INPP5F: variants seen among roughly 807,000 people sequenced by gnomAD.
INPP5F encodes the protein inositol polyphosphate-5-phosphatase F.
Under a neutral mutation model 137.2 loss-of-function variants are expected in INPP5F, and 97 were observed. The ratio of observed to expected loss-of-function variants is 0.71; its 90% CI spans 0.60 to 0.84. The LOEUF (loss-of-function observed/expected upper bound fraction) is 0.84. Among genes scored for constraint, INPP5F ranks in the 40% least tolerant of loss-of-function variants. The pLI, the probability that INPP5F is intolerant of heterozygous loss-of-function variation, is 0.00. For missense variants in INPP5F, 1,271 were observed against 1,371.9 expected (o/e 0.93, Z 1.16); for synonymous variants, 504 against 476.9 (o/e 1.06, Z -0.74).
Position 119,792,320 on chromosome 10 carries a change from T to G in INPP5F, c.669+107T>G. 7 of 789,504 alleles carry G rather than the reference T, an allele frequency of 8.9e-6. No individual in the cohort carries two copies. The South Asian group carries it at 1.3e-4, about 14-fold the overall frequency. The allele number at this position is 789,504 out of a possible 1,614,324, so 48.9% of individuals were successfully genotyped here. A position where few individuals can be genotyped will look rare whatever the true frequency, so the allele number is the denominator to read the frequency against. ...CAAATGTTTTTTAATTATATTAAGATACATTTTTAAAGATCACTACGTTTT... is the reference window on the plus strand; with the variant it reads ...CAAATGTTTTTTAATTATATTAAGAGACATTTTTAAAGATCACTACGTTTT... On this transcript the variant is annotated intron_variant, in intron 6 of 19. Transcript: ENST00000650623.
chr10:119,823,192 T>C lies in INPP5F; in HGVS notation c.2154T>C (p.Asp718=). Residue 718 remains aspartate, a synonymous_variant, in exon 18 of 20, where the codon GAT becomes GAC. Coordinates refer to ENST00000650623, the MANE Select transcript of INPP5F (RefSeq NM_014937.4). ...CTGTAATGCGTAATCCTGAAGAGGA[T>C]GGAAAAGGTAAAAAGAGGAAGAGAT... ...LRAVMRNPEE[D]GKDTLQCIAE... The C allele has an allele frequency of 3.7e-6, 6 of 1,612,086 alleles. No individual in the cohort carries two copies. The highest frequency in any genetic ancestry group is 5.1e-6 in the Non-Finnish European group (6 of 1,179,480).
chr10:119,739,319 A>G (rs1047697463), intron 1 of INPP5F, among the ~76,000 whole-genome samples: 3 of 152,226 alleles, frequency 2.0e-5, no homozygotes, highest in African/African-American at 7.2e-5. Context: ...ATCCAAGCTC[A>G]TTCCTGGTTT....
intron 3 of INPP5F, among the ~76,000 whole-genome samples, chr10:119,783,838 AG>A (rs1422165065): frequency 9.2e-5 from 14 of 152,336 alleles, no homozygotes; most frequent in Admixed American, 3.9e-4. Flanking sequence ...CGTACTTCTC[AG>A]GGCCAGCGAG....
At chr10:119,727,557 C>T (rs1847928980) in intron 1 of INPP5F, among the ~76,000 whole-genome samples, 2 of 152,234 alleles carry the variant, frequency 1.3e-5, no homozygotes, top group Non-Finnish European at 2.9e-5. Context: ...GTTCTGTGAC[C>T]TCCAGAACAC....
intron 14 of INPP5F, among the ~76,000 whole-genome samples, chr10:119,811,313 T>C (rs1685645341): frequency 6.6e-6 from 1 of 152,232 alleles, no homozygotes; most frequent in Non-Finnish European, 1.5e-5. Flanking sequence ...GACAATGAGA[T>C]AGGGAGGAAT....
chr10:119,734,127 A>G (rs182966960), intron 1 of INPP5F, among the ~76,000 whole-genome samples: 1 of 152,344 alleles, frequency 6.6e-6, no homozygotes, highest in African/African-American at 2.4e-5. Flanking sequence ...TGTGGAATTC[A>G]TTAAATTTGT....
At chr10:119,819,429 G>A (rs1457714680) in intron 15 of INPP5F, 15 of 1,497,162 alleles carry the variant, frequency 1.0e-5, no homozygotes, top group Non-Finnish European at 1.2e-5. Flanking sequence ...TGCCAAAATA[G>A]GAGCTAGGAT....
rs1267093685 is a variant in INPP5F, at chr10:119,823,138, A to G, written c.2100A>G (p.Glu700=). 3 of 1,614,090 alleles carry G rather than the reference A, an allele frequency of 1.9e-6. No homozygotes were observed. The highest frequency in any genetic ancestry group is 3.3e-4 in the Middle Eastern group (2 of 6,084). The change falls in exon 18 of 20, where the codon GAA becomes GAG. Residue 700 remains glutamate, a synonymous_variant. Transcript: ENST00000650623. The stretch of plus-strand genomic sequence containing the variant: ...TGCGACTGCACTACAGATACAAAGA[A>G]GCGAGTGGCTATTTCCACACATTGC... ...SCMRLHYRYK[E]ASGYFHTLRA...
intron 2 of INPP5F, among the ~76,000 whole-genome samples, chr10:119,779,019 CT>C (rs780650115): frequency 6.6e-6 from 1 of 152,118 alleles, no homozygotes; most frequent in Non-Finnish European, 1.5e-5. Flanking sequence ...TCCCATCCCC[CT>C]CTTCTCTGTA....
intron 15 of INPP5F, among the ~76,000 whole-genome samples, chr10:119,813,387 C>T (rs955984268): frequency 1.3e-5 from 2 of 152,104 alleles, no homozygotes; most frequent in Non-Finnish European, 2.9e-5. Flanking sequence ...TGGCTTGCAC[C>T]TATAACCCCA....
intron 1 of INPP5F, among the ~76,000 whole-genome samples, chr10:119,743,302 A>G (rs561065061): frequency 6.6e-5 from 10 of 152,156 alleles, no homozygotes; most frequent in Non-Finnish European, 1.0e-4. Context: ...TCCATTTGGG[A>G]GCCTTCTGTG....
intron 2 of INPP5F, among the ~76,000 whole-genome samples, chr10:119,752,097 G>C (rs1848705367): frequency 6.6e-6 from 1 of 152,170 alleles, no homozygotes; most frequent in African/African-American, 2.4e-5. Flanking sequence ...GCATTTGGGA[G>C]CTAGATTGAT....
At chr10:119,808,897 G>A (rs1372708584) in intron 13 of INPP5F, among the ~76,000 whole-genome samples, 1 of 152,102 alleles carries the variant, frequency 6.6e-6, no homozygotes, top group Non-Finnish European at 1.5e-5. Context: ...AATATCAAAA[G>A]CTTTTTATTA....
chr10:119,825,455 CACTG>C (rs1014099256), intron 19 of INPP5F, among the ~76,000 whole-genome samples: 1 of 152,270 alleles, frequency 6.6e-6, no homozygotes, highest in African/African-American at 2.4e-5. Context: ...TACAGAGTAA[CACTG>C]ACTGTCTCCA....
rs1228415829 is a variant in INPP5F at position 119,748,454 on chromosome 10, G to A, written c.98-2622G>A. ...TCCTGTTTGTGTTACAGCTTTTTCA[G>A]TCCCACCATTCAGGGGTCCCGTGTC... On this transcript the variant is annotated intron_variant, in intron 1 of 19. Transcript: ENST00000650623. This position sits in a 1 kb window ranked among gnomAD's most constrained non-coding sequence, Gnocchi z 4.7. 6.6e-6 allele frequency among the ~76,000 whole-genome samples: 1 copy of A among 152,172 alleles called. No homozygotes were observed. Among genetic ancestry groups the A allele is most frequent in the Non-Finnish European group, 1.5e-5 (1 of 68,034 alleles).
intron 2 of INPP5F, among the ~76,000 whole-genome samples, chr10:119,754,044 C>T (rs1048788560): frequency 5.9e-5 from 9 of 152,164 alleles, no homozygotes; most frequent in Admixed American, 1.3e-4. Context: ...AAATGACACC[C>T]TTAGCCTCAA....
chr10:119,804,722 G>A (rs905797484), intron 10 of INPP5F, among the ~76,000 whole-genome samples: 1 of 151,550 alleles, frequency 6.6e-6, no homozygotes, highest in Non-Finnish European at 1.5e-5. Flanking sequence ...CAACAATCAG[G>A]GCATCTTTTT....
At chr10:119,733,367 T>C (rs1848139794) in intron 1 of INPP5F, among the ~76,000 whole-genome samples, 1 of 152,228 alleles carries the variant, frequency 6.6e-6, no homozygotes, top group Non-Finnish European at 1.5e-5. Flanking sequence ...ATCAGGTTTC[T>C]CTTCTTAAGT....
At chr10:119,743,226 C>T (rs963787454) in intron 1 of INPP5F, among the ~76,000 whole-genome samples, 4 of 152,152 alleles carry the variant, frequency 2.6e-5, no homozygotes, top group South Asian at 2.1e-4. Context: ...ATCCTTCCAG[C>T]GTGATTCTGT....
Sources: allele counts gnomAD v4.1 joint callset (sites outside exome capture counted in the v4.1 genomes callset), GRCh38; gene constraint gnomAD v4.1.1; non-coding constraint Gnocchi (gnomAD v3.1); transcripts MANE v1.5; gene names NCBI Gene and HGNC (gene_info 2026-07-23, HGNC 2026-07-21).